The following RP1 variants were observed in gnomAD, a reference collection of about 807,000 sequenced individuals.
The protein encoded by RP1 is RP1 axonemal microtubule associated.
Under a neutral mutation model 14.8 loss-of-function variants are expected in RP1, and 16 were observed. The ratio of observed to expected loss-of-function variants is 1.08; its 90% confidence interval spans 0.73 to 1.65. The LOEUF is 1.65. RP1 is among the 40% of genes most tolerant of loss of function. RP1 has a pLI of 0.00. For missense variants in RP1, 2,631 were observed against 2,535.0 expected (o/e 1.04, Z -0.81); for synonymous variants, 876 against 883.6 (o/e 0.99, Z 0.15).
At chr8:54,837,585 G>T in exon 25 of RP1, 2 of 1,231,988 alleles carry the variant, frequency 1.6e-6, no homozygotes, top group South Asian at 8.2e-5. Flanking sequence ...TTTACCTGTT[G>T]ATTCCTGGAT....
intron 22 of RP1, among the ~76,000 whole-genome samples, chr8:54,768,203 C>A (rs955972331): frequency 5.3e-5 from 8 of 152,364 alleles, no homozygotes; most frequent in African/African-American, 1.9e-4. Flanking sequence ...GGTGCCCATC[C>A]TGACCTACTT....
chr8:54,587,877 C>T (rs957772968), intron 1 of RP1, among the ~76,000 whole-genome samples: 1 of 152,104 alleles, frequency 6.6e-6, no homozygotes, highest in African/African-American at 2.4e-5. Flanking sequence ...ATTTTTTCCT[C>T]TGATATTTTT....
chr8:54,725,028 T>C (rs1324227006), intron 16 of RP1, among the ~76,000 whole-genome samples: 1 of 152,190 alleles, frequency 6.6e-6, no homozygotes, highest in Non-Finnish European at 1.5e-5. Flanking sequence ...GTTAAAGCGC[T>C]CATCAGTATC....
intron 27 of RP1, among the ~76,000 whole-genome samples, chr8:54,865,018 G>A (rs1439432847): frequency 6.6e-6 from 1 of 151,900 alleles, no homozygotes; most frequent in Admixed American, 6.6e-5. Context: ...TTTTTTTGCT[G>A]TCATTTCCTA....
intron 6 of RP1, among the ~76,000 whole-genome samples, chr8:54,662,623 T>C (rs537745016): frequency 1.3e-5 from 2 of 152,308 alleles, no homozygotes; most frequent in South Asian, 2.1e-4. Context: ...GAGTTCCCTT[T>C]CCTGCCTCCT....
In RP1 at chr8:54,627,482, AC is replaced by A; in HGVS notation, c.3601del (p.Gln1201LysfsTer6). ...GCCACTTTGGACTCAGTGAGAAAGA[AC>A]AAGACATGGTTCCAATAGATCTTTC... Reference protein sequence around the residue: ...TSHFGLSEKEQDMVPIDLSAN... With the variant: ...TSHFGLSEKEXDMVPIDLSAN... On this transcript the variant is annotated frameshift_variant, in exon 4 of 4. Transcript: ENST00000220676. LOFTEE classifies it low-confidence loss of function (END_TRUNC). The A allele has an allele frequency of 6.2e-7, 1 of 1,614,166 alleles. No individual in the cohort carries two copies. Among genetic ancestry groups the A allele is most frequent in the South Asian group, 1.1e-5 (1 of 91,084 alleles).
intron 16 of RP1, among the ~76,000 whole-genome samples, chr8:54,724,171 T>A (rs1339731258): frequency 1.3e-5 from 2 of 152,228 alleles, no homozygotes; most frequent in African/African-American, 4.8e-5. Flanking sequence ...ATCCAATTCA[T>A]AAAATTCTGA....
chr8:54,701,435 A>T (rs892586186), intron 13 of RP1: 169 of 1,357,118 alleles, frequency 1.2e-4, no homozygotes, highest in Middle Eastern at 1.9e-4. Flanking sequence ...ATTACATTAA[A>T]TTTTTTTTTT....
At chr8:54,668,010 C>T (rs1486367942) in intron 7 of RP1, among the ~76,000 whole-genome samples, 1 of 152,080 alleles carries the variant, frequency 6.6e-6, no homozygotes. Flanking sequence ...CATCCTGATA[C>T]CAAAGCCTGG....
intron 22 of RP1, among the ~76,000 whole-genome samples, chr8:54,768,006 G>T (rs1809805548): frequency 6.6e-6 from 1 of 152,170 alleles, no homozygotes; most frequent in Admixed American, 6.5e-5. Flanking sequence ...TCTGCTGATT[G>T]CAAGGCTAGT....
At chr8:54,789,681 G>A (rs191178710) in intron 24 of RP1, among the ~76,000 whole-genome samples, 4 of 152,276 alleles carry the variant, frequency 2.6e-5, no homozygotes, top group Admixed American at 6.5e-5. Context: ...ATAGCCTGAT[G>A]GAACAGGGAG....
intron 17 of RP1, among the ~76,000 whole-genome samples, chr8:54,732,446 CA>C (rs1462279563): frequency 6.6e-6 from 1 of 152,290 alleles, no homozygotes; most frequent in Admixed American, 6.5e-5. Context: ...AGTTATCTTT[CA>C]AACTTTTCAT....
chr8:54,575,385 A>T (rs943793352), intron 1 of RP1, among the ~76,000 whole-genome samples: 5 of 150,850 alleles, frequency 3.3e-5, no homozygotes, highest in African/African-American at 1.2e-4. Context: ...AAGAAAAATT[A>T]TTTTTTTTTT....
chr8:54,745,422 T>A (rs1809198054), intron 19 of RP1, among the ~76,000 whole-genome samples: 1 of 152,198 alleles, frequency 6.6e-6, no homozygotes, highest in South Asian at 2.1e-4. Flanking sequence ...ATTTTTAGGA[T>A]ATGTATTTAA....
rs1269179940 is a variant in RP1, at chr8:54,769,808, TACTGAAACCATCAGTAG to T, written c.3318_*13del. 11 of 1,526,482 alleles carry T rather than the reference TACTGAAACCATCAGTAG, an allele frequency of 7.2e-6. No individual in the cohort carries two copies. In the African/African-American group the frequency reaches 1.4e-4, roughly 19 times the overall value. The allele number at this position is 1,526,482 out of a possible 1,614,324, so 94.6% of individuals were successfully genotyped here. ...TGAACTTTATCTTCAAGGTGAGGAT[TACTGAAACCATCAGTAG>T]AAGAAAGTACAAGATGATTTTGTTA... is the stretch of plus-strand genomic sequence containing the variant. On this transcript the variant is annotated stop_lost and 3_prime_UTR_variant, in exon 23 of 23. Transcript: ENST00000636932.
downstream of RP1, among the ~76,000 whole-genome samples, chr8:54,773,832 T>G (rs957421412): frequency 3.3e-5 from 5 of 152,186 alleles, no homozygotes; most frequent in Admixed American, 2.0e-4. Flanking sequence ...TTGAGGGATT[T>G]AAAAATTCTT....
chr8:54,697,979 G>C (rs769721513), intron 12 of RP1, among the ~76,000 whole-genome samples: 1 of 152,016 alleles, frequency 6.6e-6, no homozygotes. Context: ...ACATAAGCAT[G>C]GAAAAAGACT....
chr8:54,651,817 G>A (rs938012760), intron 4 of RP1, among the ~76,000 whole-genome samples: 1 of 151,980 alleles, frequency 6.6e-6, no homozygotes, highest in African/African-American at 2.4e-5. Context: ...AAGATGTAAA[G>A]TTAGGTTATT....
chr8:54,589,501 C>T (rs1804998420), intron 1 of RP1, among the ~76,000 whole-genome samples: 2 of 152,120 alleles, frequency 1.3e-5, no homozygotes, highest in Non-Finnish European at 2.9e-5. Flanking sequence ...CATGATTTAG[C>T]TCCTTGGGCC....
Sources: gnomAD v4.1 joint callset for allele counts (sites outside exome capture counted in the v4.1 genomes callset) on GRCh38, gnomAD v4.1.1 for gene constraint, MANE v1.5 for transcripts, NCBI Gene and HGNC (gene_info 2026-07-23, HGNC 2026-07-21) for gene names.